Variants in DHX32 observed in about 807,000 individuals in gnomAD.
DHX32 encodes the protein putative pre-mRNA-splicing factor ATP-dependent RNA helicase DHX32.
In DHX32, 51 loss-of-function variants were observed where a neutral mutation model predicts 70.0. The observed-to-expected ratio is 0.73, with a 90% CI of 0.58 to 0.92. The LOEUF is 0.92. Ranked by LOEUF, DHX32 falls within the 40% of genes least tolerant of loss-of-function variation. DHX32 has a pLI of 0.00. For synonymous variants in DHX32, 310 were observed against 315.3 expected (o/e 0.98, Z 0.18); for missense variants, 762 against 891.8 (o/e 0.85, Z 1.85).
chr10:125,849,750 G>A (rs1944066978), intron 6 of DHX32, among the ~76,000 whole-genome samples: 2 of 152,184 alleles, frequency 1.3e-5, no homozygotes, highest in African/African-American at 2.4e-5. Flanking sequence ...ATATAGTATA[G>A]TAAATGTTAC....
At chr10:125,871,050 G>A (rs187534670) in intron 1 of DHX32, among the ~76,000 whole-genome samples, 13 of 152,112 alleles carry the variant, frequency 8.5e-5, no homozygotes, top group African/African-American at 2.9e-4. Flanking sequence ...TCTAAAATTC[G>A]ACAAGATTCC....
chr10:125,884,811 C>A (rs1184224839), upstream of DHX32, among the ~76,000 whole-genome samples: 1 of 151,910 alleles, frequency 6.6e-6, no homozygotes, highest in Admixed American at 6.6e-5. Context: ...TGTATTCAAG[C>A]CAATATTACT....
At chr10:125,836,961 A>G in intron 10 of DHX32, 106 bp from the exon 11 acceptor site, 1 of 937,092 alleles carries the variant, frequency 1.1e-6, no homozygotes, top group Non-Finnish European at 1.6e-6. Flanking sequence ...TACCTGTAGA[A>G]CCGGTATTTA....
intron 6 of DHX32, among the ~76,000 whole-genome samples, chr10:125,847,643 T>G (rs1564824760): frequency 6.6e-6 from 1 of 152,186 alleles, no homozygotes; most frequent in Non-Finnish European, 1.5e-5. Context: ...GCTCGTTACA[T>G]GTGCACTTTA....
chr10:125,883,980 G>C (rs368471991), upstream of DHX32, among the ~76,000 whole-genome samples: 3 of 152,290 alleles, frequency 2.0e-5, no homozygotes, highest in African/African-American at 7.2e-5. Context: ...TGCATTAGAA[G>C]CCAGACAAGC....
intron 1 of DHX32, among the ~76,000 whole-genome samples, chr10:125,871,059 C>T (rs558765500): frequency 3.9e-5 from 6 of 152,134 alleles, no homozygotes; most frequent in Non-Finnish European, 7.3e-5. Context: ...CGACAAGATT[C>T]CAATGATCAT....
At chr10:125,892,533 C>T (rs1286815930) in intron 1 of DHX32, among the ~76,000 whole-genome samples, 1 of 152,282 alleles carries the variant, frequency 6.6e-6, no homozygotes, top group Admixed American at 6.5e-5. Context: ...GAAGTATTCT[C>T]CAGTTCAGCC....
upstream of DHX32, among the ~76,000 whole-genome samples, chr10:125,885,662 T>G (rs2134077660): frequency 6.6e-6 from 1 of 152,332 alleles, no homozygotes. Context: ...GACAACCGAC[T>G]TCTGATCTAC....
chr10:125,837,904 G>A (rs895955245), intron 10 of DHX32, among the ~76,000 whole-genome samples: 3 of 152,076 alleles, frequency 2.0e-5, no homozygotes, highest in African/African-American at 7.2e-5. Flanking sequence ...AGATGGCTAA[G>A]CTCATTCCTC....
chr10:125,846,435 C>A, intron 6 of DHX32, among the ~76,000 whole-genome samples: 1 of 152,186 alleles, frequency 6.6e-6, no homozygotes, highest in Non-Finnish European at 1.5e-5. Flanking sequence ...GGTGTTGGTT[C>A]ATGATTTCCT....
At chr10:125,876,315 T>C (rs1051314264) in intron 1 of DHX32, among the ~76,000 whole-genome samples, 12 of 152,256 alleles carry the variant, frequency 7.9e-5, no homozygotes, top group African/African-American at 2.9e-4. Flanking sequence ...TTATGTGTAT[T>C]AAATTCATTC....
chr10:125,854,023 C>G lies in DHX32; in HGVS notation c.1030G>C (p.Glu344Gln). The change falls in exon 4 of 11, where the codon GAG becomes CAG. Residue 344 changes from glutamate (E) to glutamine (Q), a missense_variant. Around this residue, in one of 3 missense-constraint regions of DHX32, gnomAD observed 394 missense variants for 473.1 expected, o/e 0.83. Transcript: ENST00000284690. Reference sequence around the variant, plus strand: ...ACTGAGTTGCTCCAGATCAAAAACTCTCCAGAGCTAGTAGTTAACACCACT... The same window carrying G: ...ACTGAGTTGCTCCAGATCAAAAACTGTCCAGAGCTAGTAGTTAACACCACT... ...RRVVLTTSSG[E>Q]FLIWSNSVRF... The G allele has an allele frequency of 1.2e-6, 2 of 1,614,062 alleles. No individual in the cohort carries two copies. The highest frequency in any genetic ancestry group is 1.7e-6 in the Non-Finnish European group (2 of 1,179,976).
chr10:125,867,206 A>C, intron 1 of DHX32, 23 bp from the exon 2 acceptor site: 1 of 1,570,082 alleles, frequency 6.4e-7, no homozygotes, highest in Non-Finnish European at 8.7e-7. Context: ...AAAATGAGAC[A>C]GGATCAGCTT....
intron 9 of DHX32, 26 bp from the exon 10 acceptor site, chr10:125,838,413 A>C: frequency 6.5e-7 from 1 of 1,540,516 alleles, no homozygotes; most frequent in Non-Finnish European, 8.7e-7. Context: ...TTAAAGAAAA[A>C]AGATTTTGTA....
chr10:125,890,376 C>CA (rs33921289), intron 1 of DHX32, among the ~76,000 whole-genome samples: 2 of 152,248 alleles, frequency 1.3e-5, no homozygotes, highest in African/African-American at 2.4e-5. Context: ...TGAAATCTCC[C>CA]AAAAATATAT....
chr10:125,883,618 C>T (rs995773456), upstream of DHX32, among the ~76,000 whole-genome samples: 4 of 152,324 alleles, frequency 2.6e-5, no homozygotes, highest in Non-Finnish European at 5.9e-5. Context: ...GCAGCATCCA[C>T]AGGAGCCCAT....
chr10:125,854,351 A>C, intron 3 of DHX32, 148 bp from the exon 4 acceptor site: 3 of 654,694 alleles, frequency 4.6e-6, no homozygotes, highest in Non-Finnish European at 6.9e-6. Context: ...TGTATCTTTA[A>C]ATAAGTAAAG....
chr10:125,873,214 T>A (rs1379628477), intron 1 of DHX32, among the ~76,000 whole-genome samples: 1 of 152,232 alleles, frequency 6.6e-6, no homozygotes, highest in Non-Finnish European at 1.5e-5. Context: ...GGTGTAGAAC[T>A]TTCTGTCCTT....
intron 1 of DHX32, among the ~76,000 whole-genome samples, chr10:125,878,688 G>T (rs1300692665): frequency 2.7e-5 from 4 of 150,384 alleles, no homozygotes; most frequent in Non-Finnish European, 5.9e-5. Flanking sequence ...GTTTTTCTTG[G>T]TGTTTTTTTT....
Sources: allele counts gnomAD v4.1 joint callset (sites outside exome capture counted in the v4.1 genomes callset), GRCh38; gene constraint gnomAD v4.1.1; regional missense constraint gnomAD v4.1.1; transcripts MANE v1.5; gene names NCBI Gene and HGNC (gene_info 2026-07-23, HGNC 2026-07-21).